Variants in B3GALT1 observed in about 807,000 individuals in gnomAD.
The protein encoded by B3GALT1 is UDP-Gal:betaGlcNAc beta 1,3-galactosyltransferase, polypeptide 1.
B3GALT1 carries 10 observed loss-of-function variants against 23.2 expected under a neutral mutation model. The observed-to-expected ratio is 0.43, with a 90% CI of 0.27 to 0.73. The LOEUF (loss-of-function observed/expected upper bound fraction) is 0.73. Among genes scored for constraint, B3GALT1 ranks in the 30% least tolerant of loss-of-function variants. The pLI is 0.21. For synonymous variants in B3GALT1, 156 were observed against 141.5 expected (o/e 1.10, Z -0.73); for missense variants, 299 against 405.4 (o/e 0.74, Z 2.25).
At chr2:167,847,861 GA>G (rs1171117226) in intron 4 of B3GALT1, among the ~76,000 whole-genome samples, 2 of 151,760 alleles carry the variant, frequency 1.3e-5, no homozygotes, top group Non-Finnish European at 2.9e-5. Flanking sequence ...ACCAAGAAAA[GA>G]AGAGAGAAAA....
chr2:167,684,644 T>C lies in B3GALT1; in HGVS notation c.-352+37678T>C, dbSNP rs56157347. Among the ~76,000 whole-genome samples the C allele has an allele frequency of 8.2e-3, 1,255 of 152,366 alleles. 11 individuals carry two copies. The highest frequency in any genetic ancestry group is 0.027 in the African/African-American group (1,132 of 41,580). ...TCTCCTAGGATGTGATAAAAGTTTT[T>C]ATGGTGATATTTTGTAACACTAATC... On this transcript the variant is annotated intron_variant, in intron 3 of 4. Coordinates refer to ENST00000392690, the MANE Select transcript of B3GALT1 (RefSeq NM_020981.4).
chr2:167,640,683 T>C (rs1685637070), intron 2 of B3GALT1, among the ~76,000 whole-genome samples: 1 of 152,090 alleles, frequency 6.6e-6, no homozygotes, highest in African/African-American at 2.4e-5. Context: ...AAACATTGAA[T>C]TGGATGCCAG....
chr2:167,790,036 AGTTTT>A lies in B3GALT1; in HGVS notation c.-351-28616_-351-28612del, dbSNP rs532124987. Among the ~76,000 whole-genome samples, 5 of 152,196 alleles carry A rather than the reference AGTTTT, an allele frequency of 3.3e-5. No homozygotes were observed. The East Asian group carries it at 7.7e-4, about 24-fold the overall frequency. Reference sequence around the variant, plus strand: ...ACTAAAGACAATTACAAGAGACAGGAGTTTTGTTTTGTTTTGTTTTGTTTAACCTA... The same window carrying A: ...ACTAAAGACAATTACAAGAGACAGGAGTTTTGTTTTGTTTTGTTTAACCTA... On this transcript the variant is annotated intron_variant, in intron 3 of 4. Coordinates refer to ENST00000392690, the MANE Select transcript of B3GALT1 (RefSeq NM_020981.4).
chr2:167,638,917 TCTGGTC>T lies in B3GALT1; in HGVS notation c.-409-7989_-409-7984del, dbSNP rs1487004028. Among the ~76,000 whole-genome samples, 3 of 152,072 alleles carry T rather than the reference TCTGGTC, an allele frequency of 2.0e-5. No individual in the cohort carries two copies. In the East Asian group the frequency reaches 5.8e-4, roughly 29 times the overall value. On this transcript the variant is annotated intron_variant, in intron 2 of 4. Coordinates refer to ENST00000392690, the MANE Select transcript of B3GALT1 (RefSeq NM_020981.4). ...TGTGTAAACTTGGGCAAATTACTTT[TCTGGTC>T]CTTAATTTCCTGGTTTACCAATTCT... is the stretch of plus-strand genomic sequence containing the variant.
At chr2:167,687,849 G>C (rs767618587) in intron 3 of B3GALT1, among the ~76,000 whole-genome samples, 2 of 151,934 alleles carry the variant, frequency 1.3e-5, no homozygotes, top group Non-Finnish European at 2.9e-5. Flanking sequence ...AAACTAGTCA[G>C]AGCCTTATTC....
intron 1 of B3GALT1, among the ~76,000 whole-genome samples, chr2:167,340,333 AAACAG>A (rs1255262824): frequency 3.3e-5 from 5 of 151,694 alleles, no homozygotes; most frequent in African/African-American, 9.7e-5. Context: ...AAAAAAAAAA[AAACAG>A]AGCTTTTGGC....
rs116605145 is a variant in B3GALT1 at position 167,695,005 on chromosome 2, T to C, written c.-352+48039T>C. ...GTCTGACCATTCTGGATTGCTCTTG[T>C]TCCCATGCTCTCTCAATTGAGCTCT... On this transcript the variant is annotated intron_variant, in intron 3 of 4. Coordinates refer to ENST00000392690, the MANE Select transcript of B3GALT1 (RefSeq NM_020981.4). Among the ~76,000 whole-genome samples the C allele has an allele frequency of 5.1e-3, 773 of 152,288 alleles. 9 individuals carry two copies. The highest frequency in any genetic ancestry group is 0.018 in the African/African-American group (737 of 41,566).
At chr2:167,580,702 T>C (rs1684469333) in intron 2 of B3GALT1, among the ~76,000 whole-genome samples, 1 of 152,152 alleles carries the variant, frequency 6.6e-6, no homozygotes, top group Non-Finnish European at 1.5e-5. Context: ...AAAAAAATTA[T>C]TTACCAACAT....
At chr2:167,687,337 T>A (rs1411356582) in intron 3 of B3GALT1, among the ~76,000 whole-genome samples, 1 of 152,220 alleles carries the variant, frequency 6.6e-6, no homozygotes, top group Non-Finnish European at 1.5e-5. Context: ...ACATCTCTAA[T>A]TTAACAGCGA....
At chr2:167,718,284 CAAAA>C (rs59948999) in intron 3 of B3GALT1, among the ~76,000 whole-genome samples, 6 of 144,036 alleles carry the variant, frequency 4.2e-5, no homozygotes, top group Non-Finnish European at 9.1e-5. Context: ...GGTTCATAAA[CAAAA>C]AAAAAAAATC....
intron 1 of B3GALT1, among the ~76,000 whole-genome samples, chr2:167,405,586 G>A (rs965110860): frequency 6.6e-6 from 1 of 151,972 alleles, no homozygotes; most frequent in African/African-American, 2.4e-5. Context: ...TCAAGATAAA[G>A]AATATCTCAC....
chr2:167,356,646 A>G (rs937746842), intron 1 of B3GALT1, among the ~76,000 whole-genome samples: 4 of 152,136 alleles, frequency 2.6e-5, no homozygotes, highest in Admixed American at 6.6e-5. Context: ...ATTTTATTTA[A>G]TATATGCCAG....
intron 1 of B3GALT1, among the ~76,000 whole-genome samples, chr2:167,343,753 A>G (rs953766460): frequency 6.6e-6 from 1 of 152,122 alleles, no homozygotes; most frequent in Non-Finnish European, 1.5e-5. Flanking sequence ...TGAGCTTGTG[A>G]TTACCATTGG....
chr2:167,780,144 C>G (rs1285574200), intron 3 of B3GALT1, among the ~76,000 whole-genome samples: 1 of 152,128 alleles, frequency 6.6e-6, no homozygotes, highest in Non-Finnish European at 1.5e-5. Flanking sequence ...TAGAGAGTGC[C>G]TCAAGACAGT....
At chr2:167,493,210 A>G (rs1699735545) in intron 2 of B3GALT1, among the ~76,000 whole-genome samples, 1 of 151,898 alleles carries the variant, frequency 6.6e-6, no homozygotes, top group Non-Finnish European at 1.5e-5. Context: ...CATTATAGTC[A>G]TTTTTCTGTA....
intron 3 of B3GALT1, among the ~76,000 whole-genome samples, chr2:167,792,313 T>C (rs1688451599): frequency 6.6e-6 from 1 of 152,198 alleles, no homozygotes. Context: ...ATCACTAGAT[T>C]GCATATTACA....
At chr2:167,375,694 C>G (rs1022121599) in intron 1 of B3GALT1, among the ~76,000 whole-genome samples, 3 of 152,012 alleles carry the variant, frequency 2.0e-5, no homozygotes, top group African/African-American at 7.2e-5. Flanking sequence ...ATTTTTGTAT[C>G]CTGAAACCTT....
At chr2:167,342,865 T>C (rs1022681857) in intron 1 of B3GALT1, among the ~76,000 whole-genome samples, 3 of 152,196 alleles carry the variant, frequency 2.0e-5, no homozygotes, top group African/African-American at 4.8e-5. Flanking sequence ...TTTACTGATA[T>C]CTTTTATTCT....
intron 4 of B3GALT1, among the ~76,000 whole-genome samples, chr2:167,839,214 A>G (rs1359162462): frequency 6.6e-6 from 1 of 152,170 alleles, no homozygotes; most frequent in Non-Finnish European, 1.5e-5. Flanking sequence ...AGGGTATTCA[A>G]TTAGGAAAAG....
Sources: allele counts gnomAD v4.1 joint callset (sites outside exome capture counted in the v4.1 genomes callset), GRCh38; gene constraint gnomAD v4.1.1; transcripts MANE v1.5; gene names NCBI Gene and HGNC (gene_info 2026-07-23, HGNC 2026-07-21).